The following SGCZ variants were observed in gnomAD, a reference collection of about 807,000 sequenced individuals.
SGCZ encodes the protein sarcoglycan zeta.
In SGCZ, 40 loss-of-function variants were observed where a neutral mutation model predicts 41.3. The observed-to-expected ratio is 0.97, with a 90% CI of 0.75 to 1.26. SGCZ has a LOEUF of 1.26. Among genes scored for constraint, SGCZ ranks in the 50% most tolerant of loss-of-function variants. SGCZ has a pLI of 0.00. For missense variants in SGCZ, 552 were observed against 369.8 expected, an observed-to-expected ratio of 1.49 and a Z score of -4.04; for synonymous variants, 206 against 137.5, an observed-to-expected ratio of 1.50 and a Z score of -3.49.
intron 1 of SGCZ, among the ~76,000 whole-genome samples, chr8:14,560,765 G>A (rs1422842495): frequency 6.6e-6 from 1 of 151,508 alleles, no homozygotes; most frequent in African/African-American, 2.4e-5. Context: ...AATTTTTTTT[G>A]GTAAAGCAAC....
At chr8:14,438,425 T>C (rs1229976843) in intron 2 of SGCZ, among the ~76,000 whole-genome samples, 1 of 151,992 alleles carries the variant, frequency 6.6e-6, no homozygotes, top group Admixed American at 6.6e-5. Flanking sequence ...ATGATACTTA[T>C]TATTAATTTT....
intron 1 of SGCZ, among the ~76,000 whole-genome samples, chr8:15,004,272 C>T (rs947872027): frequency 6.6e-6 from 1 of 151,962 alleles, no homozygotes; most frequent in Non-Finnish European, 1.5e-5. Flanking sequence ...CCTGAGGTGG[C>T]GATAATGAGC....
chr8:14,893,499 T>C (rs971989954), intron 1 of SGCZ, among the ~76,000 whole-genome samples: 3 of 152,188 alleles, frequency 2.0e-5, no homozygotes, highest in Non-Finnish European at 2.9e-5. Context: ...AAGTGACAAA[T>C]TGGATTTCTC....
At chr8:14,545,886 G>A (rs1563400390) in intron 2 of SGCZ, among the ~76,000 whole-genome samples, 1 of 152,080 alleles carries the variant, frequency 6.6e-6, no homozygotes, top group African/African-American at 2.4e-5. Flanking sequence ...TGCTATGTAT[G>A]ATTTTGTGAT....
intron 2 of SGCZ, among the ~76,000 whole-genome samples, chr8:14,394,134 G>A (rs1040613110): frequency 4.7e-5 from 6 of 128,782 alleles, no homozygotes; most frequent in East Asian, 2.4e-4. Context: ...CTGCCCTACC[G>A]CCCCCCACCT....
chr8:14,886,806 T>G (rs374582404), intron 1 of SGCZ, among the ~76,000 whole-genome samples: 9 of 152,252 alleles, frequency 5.9e-5, no homozygotes, highest in South Asian at 2.1e-4. Context: ...TTTAGATCAC[T>G]TTGGCTTCTG....
intron 1 of SGCZ, among the ~76,000 whole-genome samples, chr8:14,588,596 T>A (rs752522941): frequency 6.6e-6 from 1 of 151,014 alleles, no homozygotes; most frequent in Non-Finnish European, 1.5e-5. Flanking sequence ...CTTGGGCAAA[T>A]AAAATAAAGT....
At chr8:14,198,746 T>C (rs528823895) in intron 4 of SGCZ, among the ~76,000 whole-genome samples, 51 of 152,312 alleles carry the variant, frequency 3.3e-4, no homozygotes, top group Non-Finnish European at 6.5e-4. Context: ...ACATAAATTG[T>C]GATGATTTTA....
At chr8:14,926,357 T>A (rs1027804263) in intron 1 of SGCZ, among the ~76,000 whole-genome samples, 1 of 152,220 alleles carries the variant, frequency 6.6e-6, no homozygotes, top group Non-Finnish European at 1.5e-5. Context: ...TAAACTATGT[T>A]GATAAGGTAA....
chr8:14,716,402 T>C (rs1809691693), intron 1 of SGCZ, among the ~76,000 whole-genome samples: 1 of 152,178 alleles, frequency 6.6e-6, no homozygotes, highest in Admixed American at 6.5e-5. Flanking sequence ...TGATATTACA[T>C]AGCATATTGA....
chr8:14,669,701 C>T lies in SGCZ; in HGVS notation c.40-114775G>A, dbSNP rs941487144. ...ATATTCCATTTTGTGTATACACACA[C>T]ACACACACACACACACACACACACA... is the stretch of plus-strand genomic sequence containing the variant. On this transcript the variant is annotated intron_variant, in intron 1 of 7. Coordinates refer to ENST00000382080, the MANE Select transcript of SGCZ (RefSeq NM_139167.4). Among the ~76,000 whole-genome samples the T allele has an allele frequency of 8.3e-3, 807 of 97,230 alleles. 4 individuals are homozygous for T. The highest frequency in any genetic ancestry group is 0.064 in the East Asian group (117 of 1,814). The allele number at this position is 97,230 out of a possible 152,430, so 63.8% of individuals were successfully genotyped here.
chr8:14,090,309 C>T lies in SGCZ; in HGVS notation c.*134G>A. 1.2e-6 allele frequency: 1 copy of T among 850,406 alleles called. No homozygotes were observed. Among genetic ancestry groups the T allele is most frequent in the Non-Finnish European group, 1.8e-6 (1 of 568,700 alleles). 52.7% of individuals were successfully genotyped at this position (850,406 alleles called of 1,614,324 possible). On this transcript the variant is annotated 3_prime_UTR_variant, in exon 8 of 8. Transcript: ENST00000382080. ...TCACAAGAGAAGGTGGTGGCGAATC[C>T]CTGCTCACACTGGAAGTTGCTCTGT...
At chr8:14,335,324 C>G (rs981405910) in intron 2 of SGCZ, among the ~76,000 whole-genome samples, 1 of 152,056 alleles carries the variant, frequency 6.6e-6, no homozygotes, top group Non-Finnish European at 1.5e-5. Context: ...TTTTAAAAGA[C>G]CCTATAAGCT....
intron 1 of SGCZ, among the ~76,000 whole-genome samples, chr8:15,197,658 A>C (rs752347536): frequency 3.3e-5 from 5 of 152,140 alleles, no homozygotes; most frequent in African/African-American, 4.8e-5. Context: ...CAGAGCTGTG[A>C]CTTAAGACCC....
chr8:14,388,626 T>C (rs1274769677), intron 2 of SGCZ, among the ~76,000 whole-genome samples: 1 of 151,654 alleles, frequency 6.6e-6, no homozygotes, highest in Admixed American at 6.6e-5. Flanking sequence ...GCCAGGAAAA[T>C]AAAAGCCCTA....
intron 1 of SGCZ, among the ~76,000 whole-genome samples, chr8:15,077,524 A>C (rs76624139): frequency 6.6e-6 from 1 of 152,146 alleles, no homozygotes; most frequent in Non-Finnish European, 1.5e-5. Flanking sequence ...AAGAAATTGA[A>C]TTTTTCTAAC....
At chr8:14,632,921 GCAAA>G (rs895953848) in intron 1 of SGCZ, among the ~76,000 whole-genome samples, 32 of 151,966 alleles carry the variant, frequency 2.1e-4, no homozygotes, top group Admixed American at 5.9e-4. Context: ...CACTATGTAA[GCAAA>G]CAGTGATTCA....
At chr8:15,155,398 A>G (rs1799299452) in intron 1 of SGCZ, among the ~76,000 whole-genome samples, 1 of 152,224 alleles carries the variant, frequency 6.6e-6, no homozygotes, top group Non-Finnish European at 1.5e-5. Context: ...ATCATACTGT[A>G]CCCCATAAAT....
At position 14,689,726 on chromosome 8, in the gene SGCZ, ACTGTGTAATCACTGTCAGTT is replaced by A. The variant is rs1808736759; in HGVS notation, c.40-134820_40-134801del. Among the ~76,000 whole-genome samples the A allele has an allele frequency of 3.3e-5, 5 of 152,280 alleles. No homozygotes were observed. The South Asian group carries it at 1.0e-3, about 32-fold the overall frequency. On this transcript the variant is annotated intron_variant, in intron 1 of 7. Transcript: ENST00000382080. ...CACCTGCTCTTATTTGTAGGATGAA[ACTGTGTAATCACTGTCAGTT>A]CTTCCAGATAGAGGCAGTGGATATC... is the stretch of plus-strand genomic sequence containing the variant.
Sources: gnomAD v4.1 joint callset for allele counts (sites outside exome capture counted in the v4.1 genomes callset) on GRCh38, gnomAD v4.1.1 for gene constraint, MANE v1.5 for transcripts, NCBI Gene and HGNC (gene_info 2026-07-23, HGNC 2026-07-21) for gene names.